GALNT13: variants seen among roughly 807,000 people sequenced by gnomAD.
The protein encoded by GALNT13 is UDP-GalNAc:polypeptide N-acetylgalactosaminyltransferase 13.
Under a neutral mutation model 64.2 loss-of-function variants are expected in GALNT13, and 28 were observed. The ratio of observed to expected loss-of-function variants is 0.44; its 90% CI spans 0.32 to 0.60. GALNT13 has a LOEUF of 0.60. GALNT13 is among the 20% of genes least tolerant of loss of function. The pLI is 0.05. For missense variants in GALNT13, 577 were observed against 669.8 expected (o/e 0.86, Z 1.53); for synonymous variants, 214 against 224.6 (o/e 0.95, Z 0.42).
intron 3 of GALNT13, among the ~76,000 whole-genome samples, chr2:154,027,668 AAAGTCATTCC>A (rs1698067514): frequency 1.3e-5 from 2 of 152,188 alleles, no homozygotes; most frequent in African/African-American, 4.8e-5. Context: ...GAAATATATT[AAAGTCATTCC>A]TAGAGTTAAG....
the GALNT13 span, among the ~76,000 whole-genome samples, chr2:153,222,335 G>T: frequency 3.1e-4 from 12 of 38,448 alleles, no homozygotes; most frequent in Non-Finnish European, 8.2e-4. Flanking sequence ...GGTGGGGTGG[G>T]GGGGGGGGTT....
At chr2:153,699,069 C>CAA in the GALNT13 span, among the ~76,000 whole-genome samples, 1 of 152,022 alleles carries the variant, frequency 6.6e-6, no homozygotes, top group Non-Finnish European at 1.5e-5. Context: ...CTAAAAATTA[C>CAA]AAAAATTTTC....
the GALNT13 span, among the ~76,000 whole-genome samples, chr2:153,313,976 C>T: frequency 1.3e-5 from 2 of 152,076 alleles, no homozygotes; most frequent in Non-Finnish European, 2.9e-5. Flanking sequence ...TGTGTGTTGA[C>T]TATTCTTAGC....
Position 154,385,816 on chromosome 2 carries a change from T to C in GALNT13, c.1157-10175T>C, listed in dbSNP as rs1490162075. ...CTTTCTACATTCTAAATTCTTATGA[T>C]ACATGGGAAGAACATAGAGGGATAC... On this transcript the variant is annotated intron_variant, in intron 9 of 12. Transcript: ENST00000392825. Among the ~76,000 whole-genome samples, 7 of 152,114 alleles carry C rather than the reference T, an allele frequency of 4.6e-5. No homozygotes were observed. In the East Asian group the frequency reaches 9.7e-4, roughly 21 times the overall value.
chr2:154,272,402 T>C (rs1305603601), intron 8 of GALNT13, among the ~76,000 whole-genome samples: 1 of 152,060 alleles, frequency 6.6e-6, no homozygotes, highest in African/African-American at 2.4e-5. Context: ...AACACTCTTA[T>C]TAGAGACCAA....
chr2:154,032,020 G>GA (rs1378811532), intron 3 of GALNT13, among the ~76,000 whole-genome samples: 2 of 151,522 alleles, frequency 1.3e-5, no homozygotes, highest in African/African-American at 2.4e-5. Flanking sequence ...TATCAGAACA[G>GA]AAAAAAACTA....
chr2:153,497,283 C>T, the GALNT13 span, among the ~76,000 whole-genome samples: 2 of 152,016 alleles, frequency 1.3e-5, no homozygotes, highest in African/African-American at 4.8e-5. Flanking sequence ...TAAACCACCT[C>T]AAGTATATAA....
chr2:153,953,384 C>G (rs909113217), intron 3 of GALNT13, among the ~76,000 whole-genome samples: 1 of 152,066 alleles, frequency 6.6e-6, no homozygotes, highest in African/African-American at 2.4e-5. Context: ...AGTGCTACAA[C>G]TAACACTACA....
chr2:153,359,558 C>A, the GALNT13 span, among the ~76,000 whole-genome samples: 4 of 138,896 alleles, frequency 2.9e-5, no homozygotes, highest in Non-Finnish European at 4.5e-5. Context: ...AGAGACGGTG[C>A]CTACAGAGAG....
At chr2:154,324,788 A>G (rs1372316885) in intron 9 of GALNT13, among the ~76,000 whole-genome samples, 1 of 152,100 alleles carries the variant, frequency 6.6e-6, no homozygotes, top group Non-Finnish European at 1.5e-5. Context: ...CCAGGACCAG[A>G]TGCTCACCGG....
chr2:153,367,684 A>G, the GALNT13 span, among the ~76,000 whole-genome samples: 1 of 152,164 alleles, frequency 6.6e-6, no homozygotes, highest in South Asian at 2.1e-4. Flanking sequence ...TGTCTGACAT[A>G]TAAAACTGTA....
the GALNT13 span, among the ~76,000 whole-genome samples, chr2:153,838,349 C>T: frequency 1.3e-5 from 2 of 151,842 alleles, no homozygotes; most frequent in Admixed American, 6.6e-5. Context: ...TGGTTTTCCC[C>T]CTATATTTCT....
At chr2:153,913,186 A>C (rs573969319) in intron 2 of GALNT13, among the ~76,000 whole-genome samples, 1 of 152,048 alleles carries the variant, frequency 6.6e-6, no homozygotes, top group Non-Finnish European at 1.5e-5. Context: ...GCCTAGTTTC[A>C]CTTTGGCAGC....
chr2:153,443,127 T>C, the GALNT13 span, among the ~76,000 whole-genome samples: 1 of 152,196 alleles, frequency 6.6e-6, no homozygotes, highest in African/African-American at 2.4e-5. Flanking sequence ...GCTCGGTATC[T>C]GTCCAAATGG....
At chr2:153,740,515 G>A in the GALNT13 span, among the ~76,000 whole-genome samples, 5 of 151,956 alleles carry the variant, frequency 3.3e-5, no homozygotes, top group African/African-American at 4.8e-5. Context: ...GTTTTTGTGT[G>A]CCAATTCCAA....
At chr2:154,291,627 C>G (rs1477231127) in intron 8 of GALNT13, among the ~76,000 whole-genome samples, 1 of 152,190 alleles carries the variant, frequency 6.6e-6, no homozygotes, top group Non-Finnish European at 1.5e-5. Flanking sequence ...CCACCCAGAA[C>G]CCGGCCGGCC....
the GALNT13 span, among the ~76,000 whole-genome samples, chr2:153,104,167 T>C: frequency 6.6e-6 from 1 of 152,206 alleles, no homozygotes; most frequent in African/African-American, 2.4e-5. Context: ...TTTTGAGTTA[T>C]ATGCTTTTTA....
chr2:153,482,728 C>T, the GALNT13 span, among the ~76,000 whole-genome samples: 2 of 151,874 alleles, frequency 1.3e-5, no homozygotes, highest in South Asian at 2.1e-4. Context: ...GCCTTGGCCT[C>T]CCAAAGTGCT....
At chr2:153,273,546 A>G in the GALNT13 span, among the ~76,000 whole-genome samples, 12 of 152,294 alleles carry the variant, frequency 7.9e-5, no homozygotes, top group Admixed American at 6.5e-4. Context: ...CCATTTATAG[A>G]AGGTGATATA....
Sources: allele counts gnomAD v4.1 joint callset (sites outside exome capture counted in the v4.1 genomes callset), GRCh38; gene constraint gnomAD v4.1.1; transcripts MANE v1.5; gene names NCBI Gene and HGNC (gene_info 2026-07-23, HGNC 2026-07-21).